The following SSBP3 variants were observed in gnomAD, a reference collection of about 807,000 sequenced individuals.
The protein encoded by SSBP3 is single stranded DNA binding protein 3.
Under a neutral mutation model 69.6 loss-of-function variants are expected in SSBP3, and 5 were observed. That is an observed-to-expected ratio of 0.07 (90% CI 0.04 to 0.15). The LOEUF is 0.15. SSBP3 is among the 10% of genes least tolerant of loss of function. The probability of loss-of-function intolerance (pLI) is 1.00; values close to 1 mark genes in which losing one functional copy is unlikely to be tolerated. For synonymous variants in SSBP3, 196 were observed against 193.4 expected (o/e 1.01, Z -0.11); for missense variants, 312 against 534.0 (o/e 0.58, Z 4.10).
At chr1:54,350,501 C>T (rs571756370) in intron 4 of SSBP3, among the ~76,000 whole-genome samples, 29 of 152,314 alleles carry the variant, frequency 1.9e-4, no homozygotes, top group African/African-American at 6.3e-4. Flanking sequence ...GTGAGATTTA[C>T]GAGGGCCACA....
At chr1:54,387,286 T>C (rs1648163429) in intron 4 of SSBP3, among the ~76,000 whole-genome samples, 1 of 152,176 alleles carries the variant, frequency 6.6e-6, no homozygotes, top group African/African-American at 2.4e-5. Context: ...AAGAACTCAA[T>C]GATTCGACTG....
In SSBP3 at chr1:54,337,485, CTTTTTTTTTTTTT is replaced by C. The variant is rs869039822; in HGVS notation, c.277-55971_277-55959del. Among the ~76,000 whole-genome samples the C allele has an allele frequency of 5.2e-3, 265 of 51,176 alleles. 7 individuals carry two copies. The South Asian group carries it at 0.077, about 15-fold the overall frequency. 33.6% of individuals were successfully genotyped at this position (51,176 alleles called of 152,430 possible). On this transcript the variant is annotated intron_variant, in intron 4 of 17. Transcript: ENST00000610401. Reference sequence around the variant, plus strand: ...ACCAAAGCATTTTGTTTTCCTCAAGCTTTTTTTTTTTTTTTTTTTTTTTTTTTTTTGAGATGGA... The same window carrying C: ...ACCAAAGCATTTTGTTTTCCTCAAGCTTTTTTTTTTTTTTTTTGAGATGGA...
At chr1:54,366,041 A>AAGGC (rs1260739572) in intron 4 of SSBP3, among the ~76,000 whole-genome samples, 1 of 152,118 alleles carries the variant, frequency 6.6e-6, no homozygotes, top group African/African-American at 2.4e-5. Context: ...GCCTGGCACA[A>AAGGC]AGGCAGGGCT....
chr1:54,225,995 G>T (rs899771727), exon 18 of SSBP3: 1 of 152,034 alleles, frequency 6.6e-6, no homozygotes, highest in African/African-American at 2.4e-5. Flanking sequence ...AAAAAACAAA[G>T]AAAACCGGAA....
intron 4 of SSBP3, among the ~76,000 whole-genome samples, chr1:54,331,748 G>T (rs953098213): frequency 2.6e-5 from 4 of 152,202 alleles, no homozygotes; most frequent in Non-Finnish European, 5.9e-5. Flanking sequence ...TGTGCCCCCA[G>T]CATTGGTGCA....
chr1:54,322,512 A>T lies in SSBP3; in HGVS notation c.277-40985T>A, dbSNP rs551901539. 1.4e-4 allele frequency among the ~76,000 whole-genome samples: 21 copies of T among 152,176 alleles called. 1 individual carries two copies. The East Asian group carries it at 3.9e-3, about 28-fold the overall frequency. On this transcript the variant is annotated intron_variant, in intron 4 of 17. Coordinates refer to ENST00000610401, the Ensembl canonical transcript of SSBP3. ...TAGCTCATTCTTACTGCCACATCTG[A>T]TAATGCACCTGGCCACATAAACTCA... is the stretch of plus-strand genomic sequence containing the variant.
intron 4 of SSBP3, among the ~76,000 whole-genome samples, chr1:54,346,981 A>G (rs1383545546): frequency 2.0e-5 from 3 of 152,092 alleles, no homozygotes; most frequent in African/African-American, 7.2e-5. Context: ...TATACATTTT[A>G]AAATTTTTTT....
At chr1:54,350,753 C>A (rs1646768819) in intron 4 of SSBP3, among the ~76,000 whole-genome samples, 1 of 152,270 alleles carries the variant, frequency 6.6e-6, no homozygotes, top group South Asian at 2.1e-4. Flanking sequence ...GCAGGAGAAC[C>A]CACACCATGA....
At chr1:54,328,057 C>A (rs548803083) in intron 4 of SSBP3, among the ~76,000 whole-genome samples, 2 of 152,084 alleles carry the variant, frequency 1.3e-5, no homozygotes, top group Non-Finnish European at 2.9e-5. Context: ...AGAGGACGGG[C>A]GACTCTAGGG....
chr1:54,334,788 ACTG>A (rs754755848), intron 4 of SSBP3, among the ~76,000 whole-genome samples: 81 of 152,326 alleles, frequency 5.3e-4, no homozygotes, highest in Admixed American at 9.8e-4. Flanking sequence ...GTGATGGCCA[ACTG>A]CTGCCACACA....
At chr1:54,308,144 A>C (rs529895689) in intron 4 of SSBP3, among the ~76,000 whole-genome samples, 1 of 152,314 alleles carries the variant, frequency 6.6e-6, no homozygotes, top group African/African-American at 2.4e-5. Flanking sequence ...CCCTTACCAG[A>C]GATGCTCTTC....
Position 54,251,981 on chromosome 1 carries a change from T to A in SSBP3, c.508-121A>T, listed in dbSNP as rs2297029. The A allele has an allele frequency of 4.0e-5, 32 of 803,326 alleles. 1 individual carries two copies. In the South Asian group the frequency reaches 4.7e-4, roughly 12 times the overall value. The allele number at this position is 803,326 out of a possible 1,614,324, so 49.8% of individuals were successfully genotyped here. ...CACGTGGAGCCACTCATGGCCTCCC[T>A]GAGACTTCTGCTGCCTGCCAGTGGG... On this transcript the variant is annotated intron_variant, in intron 7 of 17. Transcript: ENST00000610401.
At chr1:54,355,667 G>C (rs914540316) in intron 4 of SSBP3, among the ~76,000 whole-genome samples, 1 of 152,150 alleles carries the variant, frequency 6.6e-6, no homozygotes, top group African/African-American at 2.4e-5. Context: ...CAAATTCAGA[G>C]AGCTCCCCTG....
chr1:54,372,101 C>T (rs921046985), intron 4 of SSBP3, among the ~76,000 whole-genome samples: 1 of 152,208 alleles, frequency 6.6e-6, no homozygotes, highest in Non-Finnish European at 1.5e-5. Context: ...AGGCATGTGC[C>T]TGGTCTCCCG....
intron 5 of SSBP3, among the ~76,000 whole-genome samples, chr1:54,275,105 G>T (rs1178499358): frequency 6.6e-6 from 1 of 152,184 alleles, no homozygotes; most frequent in Non-Finnish European, 1.5e-5. Flanking sequence ...ACCAGACTAT[G>T]AGCCCCTTGA....
At chr1:54,378,764 A>G (rs1647390357) in intron 4 of SSBP3, among the ~76,000 whole-genome samples, 1 of 152,182 alleles carries the variant, frequency 6.6e-6, no homozygotes, top group African/African-American at 2.4e-5. Context: ...GCACAAAGGA[A>G]GGAACCGCTG....
intron 1 of SSBP3, chr1:54,413,167 G>A (rs1324545246): frequency 1.3e-5 from 2 of 152,174 alleles, no homozygotes; most frequent in Admixed American, 6.5e-5. Context: ...CACAGCTTCA[G>A]GGCTCCACTC....
At chr1:54,237,648 A>G (rs1490732788) in intron 14 of SSBP3, 1 of 157,592 alleles carries the variant, frequency 6.3e-6, no homozygotes, top group Non-Finnish European at 1.4e-5. Flanking sequence ...CTTCTTTCCC[A>G]GTGATGCCTG....
At chr1:54,278,508 C>T (rs1371407637) in intron 5 of SSBP3, among the ~76,000 whole-genome samples, 1 of 152,206 alleles carries the variant, frequency 6.6e-6, no homozygotes, top group African/African-American at 2.4e-5. Flanking sequence ...GTGGCCAAAA[C>T]TTCTGACCCC....
Sources: allele counts gnomAD v4.1 joint callset (sites outside exome capture counted in the v4.1 genomes callset), GRCh38; gene constraint gnomAD v4.1.1; transcripts MANE v1.5; gene names NCBI Gene and HGNC (gene_info 2026-07-23, HGNC 2026-07-21).